NEDD4: variants seen among roughly 807,000 people sequenced by gnomAD.
The protein encoded by NEDD4 is E3 ubiquitin-protein ligase NEDD4.
In NEDD4, 99 loss-of-function variants were observed where a neutral mutation model predicts 144.9. The observed-to-expected ratio is 0.68, with a 90% CI of 0.58 to 0.81. NEDD4 has a LOEUF of 0.81. Ranked by LOEUF, NEDD4 falls within the 30% of genes least tolerant of loss-of-function variation. NEDD4 has a pLI of 0.00. For missense variants in NEDD4, 985 were observed against 1,065.9 expected, an observed-to-expected ratio of 0.92 and a Z score of 1.06; for synonymous variants, 318 against 350.6, an observed-to-expected ratio of 0.91 and a Z score of 1.04.
chr15:55,923,387 C>T (rs2036604228), intron 5 of NEDD4, among the ~76,000 whole-genome samples: 1 of 151,950 alleles, frequency 6.6e-6, no homozygotes, highest in African/African-American at 2.4e-5. Flanking sequence ...GCAGCTCATG[C>T]CTGTAATCCC....
At chr15:55,961,711 C>A (rs903754302) in intron 2 of NEDD4, among the ~76,000 whole-genome samples, 6 of 151,982 alleles carry the variant, frequency 3.9e-5, no homozygotes, top group Non-Finnish European at 7.4e-5. Flanking sequence ...CCTTGTGATC[C>A]GCCCGCCTCA....
intron 5 of NEDD4, chr15:55,924,413 A>T (rs543974188): frequency 5.0e-5 from 24 of 477,408 alleles, no homozygotes; most frequent in African/African-American, 4.5e-4. Context: ...GGTCTTGAGT[A>T]AGACCTTATA....
Position 55,863,059 on chromosome 15 carries a change from G to T in NEDD4, c.528C>A (p.Asp176Glu). 6.3e-7 allele frequency: 1 copy of T among 1,590,976 alleles called. No individual in the cohort carries two copies. The highest frequency in any genetic ancestry group is 8.6e-7 in the Non-Finnish European group (1 of 1,164,924). Residue 176 changes from aspartate (D) to glutamate (E), a missense_variant, in exon 9 of 29, where the codon GAC becomes GAA. Coordinates refer to ENST00000435532, the MANE Select transcript of NEDD4 (RefSeq NM_006154.4). ...EELEPGWVVL[D>E]QPDAACHLQQ... Reference sequence around the variant, plus strand: ...GCAAATGGCAAGCAGCATCTGGTTGGTCCAAAACAACCCAGCCAGGCTGAA... The same window carrying T: ...GCAAATGGCAAGCAGCATCTGGTTGTTCCAAAACAACCCAGCCAGGCTGAA...
At chr15:55,940,001 A>G (rs1467954815) in intron 4 of NEDD4, among the ~76,000 whole-genome samples, 17 of 152,218 alleles carry the variant, frequency 1.1e-4, no homozygotes, top group African/African-American at 4.1e-4. Context: ...AAAATGTGAC[A>G]TATACATACA....
intron 18 of NEDD4, among the ~76,000 whole-genome samples, chr15:55,846,261 C>T (rs1241106961): frequency 5.9e-5 from 9 of 152,144 alleles, no homozygotes; most frequent in African/African-American, 2.2e-4. Context: ...CAGCTTCTGG[C>T]TTAGAATGCA....
intron 5 of NEDD4, among the ~76,000 whole-genome samples, chr15:55,883,826 C>T (rs2142098420): frequency 6.6e-6 from 1 of 151,570 alleles, no homozygotes; most frequent in Non-Finnish European, 1.5e-5. Flanking sequence ...AGAGTCTCTG[C>T]CTGGTAATCC....
chr15:55,934,654 A>G (rs1273852553), intron 4 of NEDD4: 4 of 151,954 alleles, frequency 2.6e-5, no homozygotes, highest in South Asian at 2.1e-4. Flanking sequence ...CCCAAACAGT[A>G]AAAAAGGATA....
chr15:55,903,956 T>A (rs2036000842), intron 5 of NEDD4, among the ~76,000 whole-genome samples: 1 of 151,652 alleles, frequency 6.6e-6, no homozygotes, highest in Admixed American at 6.6e-5. Flanking sequence ...GGTCAGGAGT[T>A]TGAGACCAGC....
chr15:55,967,563 ACTT>A (rs1354189899), intron 1 of NEDD4, among the ~76,000 whole-genome samples: 5 of 151,946 alleles, frequency 3.3e-5, no homozygotes, highest in African/African-American at 9.7e-5. Context: ...ACACTGTACT[ACTT>A]ATATTACTCT....
chr15:55,846,221 C>A (rs1400463256), intron 18 of NEDD4, among the ~76,000 whole-genome samples: 1 of 151,236 alleles, frequency 6.6e-6, no homozygotes, highest in Non-Finnish European at 1.5e-5. Flanking sequence ...CTGAGGTGGC[C>A]CACCCACCAT....
At chr15:55,963,288 T>C (rs66503769) in intron 2 of NEDD4, among the ~76,000 whole-genome samples, 20,317 of 151,350 alleles carry the variant, frequency 0.13, 1,453 homozygotes, top group East Asian at 0.32. Context: ...CATACAACCA[T>C]ACCTGGCTAA....
At position 55,860,800 on chromosome 15, in the gene NEDD4, C is replaced by CCATCT. The variant is rs764777367; in HGVS notation, c.675-23_675-22insAGATG. 3.1e-6 allele frequency: 5 copies of CCATCT among 1,593,036 alleles called. No individual in the cohort carries two copies. The East Asian group carries it at 1.1e-4, about 36-fold the overall frequency. ...GTCCCTATATTGGAAGTATAAAAAG[C>CCATCT]CATCATCCATGTCTTAAGTAGTTAA... On this transcript the variant is annotated intron_variant, in intron 9 of 28. Coordinates refer to ENST00000435532, the MANE Select transcript of NEDD4 (RefSeq NM_006154.4).
At chr15:55,895,956 A>G (rs913870875) in intron 5 of NEDD4, among the ~76,000 whole-genome samples, 6 of 152,206 alleles carry the variant, frequency 3.9e-5, no homozygotes, top group African/African-American at 7.2e-5. Flanking sequence ...CTATCTGTCA[A>G]TGGGGTAGGT....
intron 4 of NEDD4, 126 bp from the exon 5 acceptor site, chr15:55,924,825 T>C (rs1279912771): frequency 3.4e-6 from 3 of 875,354 alleles, no homozygotes; most frequent in Non-Finnish European, 5.4e-6. Flanking sequence ...CCCAGCACTT[T>C]GGGAGGCCGA....
At chr15:55,892,480 T>G (rs1401419729) in intron 5 of NEDD4, among the ~76,000 whole-genome samples, 2 of 151,940 alleles carry the variant, frequency 1.3e-5, no homozygotes. Flanking sequence ...TTTTAAAGAG[T>G]AAAAATAAAT....
intron 5 of NEDD4, among the ~76,000 whole-genome samples, chr15:55,886,824 A>C (rs2035408705): frequency 6.6e-6 from 1 of 152,138 alleles, no homozygotes; most frequent in Admixed American, 6.6e-5. Context: ...TAAAACTAGA[A>C]ATAAATAACA....
Position 55,827,110 on chromosome 15 carries a change from T to C in NEDD4, c.*2787A>G, listed in dbSNP as rs988651872. On this transcript the variant is annotated 3_prime_UTR_variant, in exon 29 of 29. Coordinates refer to ENST00000435532, the MANE Select transcript of NEDD4 (RefSeq NM_006154.4). ...AATTGTGTTTAACTTGATACTTATATGGAATAACTTCAGCATTATAAATAA... is the reference window on the plus strand; with the variant it reads ...AATTGTGTTTAACTTGATACTTATACGGAATAACTTCAGCATTATAAATAA... 1 of 152,242 alleles carries C rather than the reference T, an allele frequency of 6.6e-6. No homozygotes were observed. Among genetic ancestry groups the C allele is most frequent in the Non-Finnish European group, 1.5e-5 (1 of 68,044 alleles). The allele number at this position is 152,242 out of a possible 1,614,324, so 9.4% of individuals were successfully genotyped here. A position where few individuals can be genotyped will look rare whatever the true frequency, so the allele number is the denominator to read the frequency against.
chr15:55,843,438 A>G (rs1332913400), intron 18 of NEDD4, among the ~76,000 whole-genome samples: 2 of 152,254 alleles, frequency 1.3e-5, no homozygotes, highest in African/African-American at 4.8e-5. Flanking sequence ...AATCTTTTGT[A>G]CGTTCTTTGC....
chr15:55,925,799 C>A (rs2036650886), intron 4 of NEDD4, among the ~76,000 whole-genome samples: 1 of 152,136 alleles, frequency 6.6e-6, no homozygotes, highest in Non-Finnish European at 1.5e-5. Flanking sequence ...GCTCATCACA[C>A]TGCACACCTC....
Sources: gnomAD v4.1 joint callset for allele counts (sites outside exome capture counted in the v4.1 genomes callset) on GRCh38, gnomAD v4.1.1 for gene constraint, MANE v1.5 for transcripts, NCBI Gene and HGNC (gene_info 2026-07-23, HGNC 2026-07-21) for gene names.